The following MIER1 variants were observed in gnomAD, a reference collection of about 807,000 sequenced individuals.
MIER1 encodes mesoderm induction early response protein 1.
MIER1 carries 40 observed loss-of-function variants against 75.7 expected under a neutral mutation model. The observed-to-expected ratio is 0.53, with a 90% CI of 0.41 to 0.69. The LOEUF is 0.69. Among genes scored for constraint, MIER1 ranks in the 30% least tolerant of loss-of-function variants. MIER1 has a pLI of 0.00. For missense variants in MIER1, 574 were observed against 680.2 expected, an observed-to-expected ratio of 0.84 and a Z score of 1.74; for synonymous variants, 213 against 223.4, an observed-to-expected ratio of 0.95 and a Z score of 0.42.
At position 66,976,621 on chromosome 1, in the gene MIER1, T is replaced by A. The variant is rs1425999308; in HGVS notation, c.1128T>A (p.Cys376Ter). The A allele has an allele frequency of 1.2e-6, 2 of 1,604,696 alleles. No homozygotes were observed. The highest frequency in any genetic ancestry group is 1.1e-5 in the South Asian group (1 of 88,646). Residue 376 changes from cysteine to a stop codon, truncating the protein, a stop_gained, in exon 12 of 14, where the codon TGT becomes TGA. Coordinates refer to ENST00000401041, the MANE Select transcript of MIER1 (RefSeq NM_001077700.3). LOFTEE classifies it high-confidence loss of function. ...NKVRTRSVGE[C>*]VAFYYMWKKS... ...TCCGAACAAGGTCAGTTGGTGAATG[T>A]GTAGCATTCTATTACATGTGGAAAA...
At chr1:66,975,195 T>C (rs905254368) in intron 11 of MIER1, among the ~76,000 whole-genome samples, 3 of 152,180 alleles carry the variant, frequency 2.0e-5, no homozygotes, top group Non-Finnish European at 4.4e-5. Flanking sequence ...AAGAAGTATA[T>C]TGCATCCAGA....
chr1:66,986,389 T>A lies in MIER1; in HGVS notation c.*1489T>A. 1 of 1,609,764 alleles carries A rather than the reference T, an allele frequency of 6.2e-7. No homozygotes were observed. The highest frequency in any genetic ancestry group is 8.5e-7 in the Non-Finnish European group (1 of 1,178,074). Reference sequence around the variant, plus strand: ...TTTTATAAAATATTAATTATTCTTGTTTTTCTCACACAGGCATACTCCAAA... The same window carrying A: ...TTTTATAAAATATTAATTATTCTTGATTTTCTCACACAGGCATACTCCAAA... On this transcript the variant is annotated 3_prime_UTR_variant, in exon 14 of 14. Transcript: ENST00000401041.
chr1:66,985,025 T>C lies in MIER1; in HGVS notation c.*125T>C. On this transcript the variant is annotated 3_prime_UTR_variant, in exon 14 of 14. Coordinates refer to ENST00000401041, the MANE Select transcript of MIER1 (RefSeq NM_001077700.3). ...TTGAAAATTTGAATTGAGTCTTAAC[T>C]TTAGGAAATGAGGTTTCATAATTCT... 7.1e-7 allele frequency: 1 copy of C among 1,401,122 alleles called. No homozygotes were observed. The highest frequency in any genetic ancestry group is 9.3e-7 in the Non-Finnish European group (1 of 1,077,372). 86.8% of individuals were successfully genotyped at this position (1,401,122 alleles called of 1,614,324 possible). A position where few individuals can be genotyped will look rare whatever the true frequency, so the allele number is the denominator to read the frequency against.
At chr1:66,930,725 G>A (rs562461891) in intron 2 of MIER1, among the ~76,000 whole-genome samples, 1 of 152,138 alleles carries the variant, frequency 6.6e-6, no homozygotes, top group Admixed American at 6.5e-5. Context: ...GGTGCTAGGG[G>A]CCAGGAGAGA....
At chr1:66,952,767 T>TA (rs1161678831) in intron 4 of MIER1, among the ~76,000 whole-genome samples, 1 of 152,082 alleles carries the variant, frequency 6.6e-6, no homozygotes, top group Non-Finnish European at 1.5e-5. Context: ...TCAGCCCCCC[T>TA]AGTAGCTGGG....
chr1:66,949,775 G>A (rs949419895), intron 4 of MIER1, among the ~76,000 whole-genome samples: 3 of 152,194 alleles, frequency 2.0e-5, no homozygotes, highest in Non-Finnish European at 4.4e-5. Flanking sequence ...CATTAGTTAT[G>A]TCAGGGATTG....
chr1:66,940,232 C>A, intron 3 of MIER1, 180 bp downstream of exon 3: 3 of 366,962 alleles, frequency 8.2e-6, no homozygotes, highest in South Asian at 9.0e-5. Context: ...GGTGAGGCTA[C>A]TGTGATTTCA....
chr1:66,983,941 G>C (rs1370207552), intron 13 of MIER1, among the ~76,000 whole-genome samples: 1 of 152,166 alleles, frequency 6.6e-6, no homozygotes, highest in Non-Finnish European at 1.5e-5. Flanking sequence ...GGCCAGGCTG[G>C]TCTTGAACTC....
chr1:66,958,189 A>G lies in MIER1; in HGVS notation c.470A>G (p.Asp157Gly). The G allele has an allele frequency of 6.2e-7, 1 of 1,604,658 alleles. No homozygotes were observed. Among genetic ancestry groups the G allele is most frequent in the Non-Finnish European group, 8.5e-7 (1 of 1,171,634 alleles). ...EGEDDEDADN[D>G]DNSGCSGENK... ...GAAGATGATGAAGATGCTGATAATG[A>G]TGACAACAGTGGCTGTAGTGGGGAA... Residue 157 changes from aspartate (D) to glycine (G), a missense_variant, in exon 5 of 14, where the codon GAT becomes GGT. Asp to Gly is a moderately conservative substitution (Grantham distance 94). This residue lies in a region of MIER1 where 309 missense variants were observed against 352.8 expected (regional missense o/e 0.88). Coordinates refer to ENST00000401041, the MANE Select transcript of MIER1 (RefSeq NM_001077700.3).
chr1:66,954,101 C>T (rs915017224), intron 4 of MIER1, among the ~76,000 whole-genome samples: 3 of 152,176 alleles, frequency 2.0e-5, no homozygotes, highest in Non-Finnish European at 4.4e-5. Context: ...AATCCTGTTG[C>T]ATCTCTTCAA....
chr1:66,949,547 T>G (rs768480787), intron 4 of MIER1, among the ~76,000 whole-genome samples: 1 of 152,218 alleles, frequency 6.6e-6, no homozygotes, highest in Non-Finnish European at 1.5e-5. Context: ...TCTCAGATTC[T>G]TCTCTGACTT....
In MIER1 at chr1:66,976,588, C is replaced by T; in HGVS notation, c.1102-7C>T. 1.3e-6 allele frequency: 2 copies of T among 1,554,770 alleles called. No individual in the cohort carries two copies. Among genetic ancestry groups the T allele is most frequent in the Non-Finnish European group, 1.7e-6 (2 of 1,153,022 alleles). On this transcript the variant is annotated splice_polypyrimidine_tract_variant and splice_region_variant and intron_variant, in intron 11 of 13. Transcript: ENST00000401041. ...GATTCTTAAAAGCAAGCATTTGTTTCTTACAGGTCCGAACAAGGTCAGTTG... is the reference window on the plus strand; with the variant it reads ...GATTCTTAAAAGCAAGCATTTGTTTTTTACAGGTCCGAACAAGGTCAGTTG...
At chr1:66,976,877 A>G (rs965387152) in intron 12 of MIER1, among the ~76,000 whole-genome samples, 155 bp downstream of exon 12, 4 of 152,212 alleles carry the variant, frequency 2.6e-5, no homozygotes, top group Admixed American at 6.5e-5. Context: ...TATAATACAC[A>G]TTAAACTTTA....
chr1:66,972,195 C>G (rs1663749882), intron 10 of MIER1, among the ~76,000 whole-genome samples: 1 of 145,412 alleles, frequency 6.9e-6, no homozygotes, highest in South Asian at 2.1e-4. Context: ...TGGCTCCTAC[C>G]CCCCTTCACT....
intron 2 of MIER1, among the ~76,000 whole-genome samples, chr1:66,934,682 A>C (rs1654339229): frequency 6.6e-6 from 1 of 151,210 alleles, no homozygotes; most frequent in Non-Finnish European, 1.5e-5. Context: ...GGCGTGTGCC[A>C]CTGTTCCCAG....
At position 66,976,798 on chromosome 1, in the gene MIER1, T is replaced by C. The variant is rs1314459504; in HGVS notation, c.1229+76T>C. ...TCTAGATTTTTCTTGAGTTAATTATTATTTTGATAATCTTGCTTTTATATA... is the reference window on the plus strand; with the variant it reads ...TCTAGATTTTTCTTGAGTTAATTATCATTTTGATAATCTTGCTTTTATATA... On this transcript the variant is annotated intron_variant, in intron 12 of 13. Transcript: ENST00000401041. 2.4e-6 allele frequency: 3 copies of C among 1,253,332 alleles called. No homozygotes were observed. In the East Asian group the frequency reaches 7.7e-5, roughly 32 times the overall value. The allele number at this position is 1,253,332 out of a possible 1,614,324, so 77.6% of individuals were successfully genotyped here. A position where few individuals can be genotyped will look rare whatever the true frequency, so the allele number is the denominator to read the frequency against.
At chr1:66,949,366 T>C (rs1205816600) in intron 4 of MIER1, among the ~76,000 whole-genome samples, 2 of 152,208 alleles carry the variant, frequency 1.3e-5, no homozygotes, top group Non-Finnish European at 2.9e-5. Context: ...TGCCTTTTCC[T>C]GTTTTTCTCT....
chr1:66,949,019 A>G (rs1362858686), intron 4 of MIER1, among the ~76,000 whole-genome samples: 1 of 152,194 alleles, frequency 6.6e-6, no homozygotes, highest in Non-Finnish European at 1.5e-5. Flanking sequence ...AACAGTTATA[A>G]GGGAAACAGT....
intron 2 of MIER1, among the ~76,000 whole-genome samples, chr1:66,934,737 T>C (rs990504741): frequency 1.3e-5 from 2 of 152,192 alleles, no homozygotes; most frequent in African/African-American, 4.8e-5. Flanking sequence ...TTATTAATAC[T>C]GTAGTAAATT....
Sources: gnomAD v4.1 joint callset for allele counts (sites outside exome capture counted in the v4.1 genomes callset) on GRCh38, gnomAD v4.1.1 for gene constraint, gnomAD v4.1.1 regional missense constraint, MANE v1.5 for transcripts, NCBI Gene and HGNC (gene_info 2026-07-23, HGNC 2026-07-21) for gene names.